The following ASTN1 variants were observed in gnomAD, a reference collection of about 807,000 sequenced individuals.
ASTN1 encodes astrotactin 1, also known as astrotactin-1.
Under a neutral mutation model 140.7 loss-of-function variants are expected in ASTN1, and 41 were observed. That is an observed-to-expected ratio of 0.29 (90% CI 0.23 to 0.38). The LOEUF (loss-of-function observed/expected upper bound fraction) is 0.38. ASTN1 is among the 10% of genes least tolerant of loss of function. ASTN1 has a pLI of 1.00. For missense variants in ASTN1, 1,479 were observed against 1,678.8 expected (o/e 0.88, Z 2.08); for synonymous variants, 640 against 652.2 (o/e 0.98, Z 0.29).
intron 16 of ASTN1, among the ~76,000 whole-genome samples, chr1:176,933,424 T>C (rs920074381): frequency 3.9e-5 from 6 of 152,230 alleles, no homozygotes; most frequent in Non-Finnish European, 5.9e-5. Flanking sequence ...CAGAATGCCA[T>C]GTGGATAAAC....
At chr1:176,922,556 CAAA>C (rs71129589) in intron 16 of ASTN1, among the ~76,000 whole-genome samples, 23,095 of 77,240 alleles carry the variant, frequency 0.3, 2,308 homozygotes, top group African/African-American at 0.35. Flanking sequence ...GCCCCCACTG[CAAA>C]AAAAAAAAAA....
intron 1 of ASTN1, among the ~76,000 whole-genome samples, chr1:177,118,325 G>A (rs1279783229): frequency 1.3e-5 from 2 of 152,132 alleles, no homozygotes; most frequent in African/African-American, 4.8e-5. Flanking sequence ...AAAATGACAG[G>A]TGTTATTTTT....
intron 11 of ASTN1, among the ~76,000 whole-genome samples, chr1:176,950,333 C>A (rs1298469849): frequency 6.6e-6 from 1 of 152,168 alleles, no homozygotes; most frequent in African/African-American, 2.4e-5. Flanking sequence ...CTGCTCCTGG[C>A]AGAACCATGC....
In ASTN1 at chr1:177,017,420, C is replaced by A. The variant is rs191386314; in HGVS notation, c.1439-2545G>T. Among the ~76,000 whole-genome samples, 367 of 152,316 alleles carry A rather than the reference C, an allele frequency of 2.4e-3. 1 individual carries two copies. Among genetic ancestry groups the A allele is most frequent in the African/African-American group, 8.4e-3 (350 of 41,566 alleles). ...ACAAAACCAGTTTGGCCATCTCCAA[C>A]GAAAGGATTTCAGACTTGATGGGGG... is the stretch of plus-strand genomic sequence containing the variant. On this transcript the variant is annotated intron_variant, in intron 7 of 22. Coordinates refer to ENST00000361833, the MANE Select transcript of ASTN1 (RefSeq NM_004319.3).
intron 1 of ASTN1, among the ~76,000 whole-genome samples, chr1:177,093,032 C>T (rs1223300169): frequency 1.3e-5 from 2 of 152,156 alleles, no homozygotes; most frequent in East Asian, 1.9e-4. Context: ...CTCTGTGCCA[C>T]GACACTAGAA....
At chr1:177,125,189 A>T (rs1291778030) in intron 1 of ASTN1, among the ~76,000 whole-genome samples, 2 of 152,382 alleles carry the variant, frequency 1.3e-5, no homozygotes, top group East Asian at 3.9e-4. Context: ...GGAATGAAGT[A>T]GTTAGAGATT....
chr1:176,995,456 G>A (rs1264713346), intron 8 of ASTN1, among the ~76,000 whole-genome samples: 1 of 152,194 alleles, frequency 6.6e-6, no homozygotes, highest in South Asian at 2.1e-4. Flanking sequence ...AATCAGATAA[G>A]CCTGGGATGG....
At chr1:177,001,479 A>G (rs893296252) in intron 8 of ASTN1, among the ~76,000 whole-genome samples, 1 of 152,260 alleles carries the variant, frequency 6.6e-6, no homozygotes, top group Admixed American at 6.5e-5. Flanking sequence ...AATCTTTATA[A>G]CAAATCTATG....
chr1:176,977,053 A>C (rs1434315866), intron 8 of ASTN1: 1 of 152,252 alleles, frequency 6.6e-6, no homozygotes, highest in Non-Finnish European at 1.5e-5. Context: ...TACTAGCACA[A>C]GAGACAGTGA....
intron 8 of ASTN1, among the ~76,000 whole-genome samples, chr1:177,005,200 A>T (rs997321760): frequency 6.6e-6 from 1 of 152,252 alleles, no homozygotes; most frequent in Admixed American, 6.5e-5. Flanking sequence ...TTTAAAAAAA[A>T]TACAAATGGC....
Position 176,894,802 on chromosome 1 carries a change from C to T in ASTN1, c.2700G>A (p.Glu900=). The T allele has an allele frequency of 2.5e-6, 4 of 1,614,044 alleles. No individual in the cohort carries two copies. Among genetic ancestry groups the T allele is most frequent in the Non-Finnish European group, 1.7e-6 (2 of 1,180,040 alleles). ...KGNSPSDESE[E]RERDPKVLTF... The stretch of plus-strand genomic sequence containing the variant: ...TCAGCACCTTGGGGTCTCTTTCCCG[C>T]TCCTCAGACTCATCTGATGGGGAGT... The change falls in exon 17 of 23, where the codon GAG becomes GAA. Residue 900 remains glutamate, a synonymous_variant. Coordinates refer to ENST00000361833, the MANE Select transcript of ASTN1 (RefSeq NM_004319.3).
chr1:177,043,786 C>T (rs1036546199), intron 2 of ASTN1, among the ~76,000 whole-genome samples: 5 of 152,166 alleles, frequency 3.3e-5, no homozygotes, highest in Admixed American at 3.3e-4. Flanking sequence ...GCATCATATG[C>T]CAATATCCCT....
chr1:176,965,696 C>T (rs1475524647), intron 8 of ASTN1, among the ~76,000 whole-genome samples: 2 of 152,190 alleles, frequency 1.3e-5, no homozygotes, highest in Admixed American at 6.5e-5. Flanking sequence ...GTCCTAATTT[C>T]CTATAGGGTC....
At chr1:177,001,451 C>T (rs1362496441) in intron 8 of ASTN1, among the ~76,000 whole-genome samples, 1 of 152,144 alleles carries the variant, frequency 6.6e-6, no homozygotes, top group Non-Finnish European at 1.5e-5. Context: ...CAACTCATCT[C>T]ATTTAGGTTT....
chr1:177,005,332 T>C (rs1280386885), intron 8 of ASTN1, among the ~76,000 whole-genome samples: 2 of 152,176 alleles, frequency 1.3e-5, no homozygotes, highest in Admixed American at 1.3e-4. Context: ...ACAACAGATG[T>C]TGGCATGGAT....
intron 2 of ASTN1, among the ~76,000 whole-genome samples, chr1:177,034,379 C>T (rs1676608200): frequency 6.6e-6 from 1 of 152,184 alleles, no homozygotes; most frequent in South Asian, 2.1e-4. Flanking sequence ...TTGTTGGGGA[C>T]AGATGTATGC....
chr1:176,987,301 TG>T (rs1673950433), intron 8 of ASTN1, among the ~76,000 whole-genome samples: 1 of 152,208 alleles, frequency 6.6e-6, no homozygotes, highest in Admixed American at 6.5e-5. Context: ...AAAGCAGCCA[TG>T]GCCAATATAT....
chr1:177,032,869 G>A lies in ASTN1; in HGVS notation c.472-20C>T. On this transcript the variant is annotated intron_variant, in intron 2 of 22. Coordinates refer to ENST00000361833, the MANE Select transcript of ASTN1 (RefSeq NM_004319.3). ...GCCACCCTAGGAAGAGAGGACCACA[G>A]ATGGATGTGGGAAGATGGGTAGGCT... 6.4e-7 allele frequency: 1 copy of A among 1,569,894 alleles called. No individual in the cohort carries two copies. Among genetic ancestry groups the A allele is most frequent in the Non-Finnish European group, 8.6e-7 (1 of 1,157,262 alleles).
At chr1:176,995,887 G>C (rs2101904382) in intron 8 of ASTN1, among the ~76,000 whole-genome samples, 1 of 152,272 alleles carries the variant, frequency 6.6e-6, no homozygotes, top group Non-Finnish European at 1.5e-5. Flanking sequence ...TGGCAGGTGA[G>C]TCTGTGTACA....
Sources: allele counts gnomAD v4.1 joint callset (sites outside exome capture counted in the v4.1 genomes callset), GRCh38; gene constraint gnomAD v4.1.1; transcripts MANE v1.5; gene names NCBI Gene and HGNC (gene_info 2026-07-23, HGNC 2026-07-21).